The following CD247 variants were observed in gnomAD, a reference collection of about 807,000 sequenced individuals.
CD247 encodes T-cell surface glycoprotein CD3 zeta chain.
CD247 carries 13 observed loss-of-function variants against 30.0 expected under a neutral mutation model. That is an observed-to-expected ratio of 0.43 (90% confidence interval 0.28 to 0.69). CD247 has a LOEUF of 0.69. CD247 is among the 30% of genes least tolerant of loss of function. The pLI is 0.16. For missense variants in CD247, 193 were observed against 212.6 expected (o/e 0.91, Z 0.57); for synonymous variants, 72 against 80.0 (o/e 0.90, Z 0.53).
At chr1:167,497,714 C>A (rs905764001) in intron 1 of CD247, among the ~76,000 whole-genome samples, 5 of 152,198 alleles carry the variant, frequency 3.3e-5, no homozygotes, top group Admixed American at 6.5e-5. Context: ...ACCGCAAACT[C>A]TCCAAGGAAC....
chr1:167,472,745 T>C (rs1368348125), intron 1 of CD247, among the ~76,000 whole-genome samples: 1 of 152,192 alleles, frequency 6.6e-6, no homozygotes, highest in Non-Finnish European at 1.5e-5. Context: ...GCTCTAAATA[T>C]GCAGATATTC....
chr1:167,515,314 A>T (rs1441044919), intron 1 of CD247, among the ~76,000 whole-genome samples: 1 of 152,180 alleles, frequency 6.6e-6, no homozygotes, highest in Non-Finnish European at 1.5e-5. Flanking sequence ...TGGCTTCAGA[A>T]TCTAGGTGGC....
At chr1:167,496,207 AGAAG>A (rs143667272) in intron 1 of CD247, among the ~76,000 whole-genome samples, 3,676 of 152,336 alleles carry the variant, frequency 0.024, 51 homozygotes, top group Middle Eastern at 0.054. Flanking sequence ...GAAATAAAGC[AGAAG>A]GAAGGAAGGT....
chr1:167,449,164 T>TTTTC, intron 1 of CD247, among the ~76,000 whole-genome samples: 1 of 142,754 alleles, frequency 7.0e-6, no homozygotes, highest in African/African-American at 2.6e-5. Flanking sequence ...TTTTTTTTTT[T>TTTTC]TTTTTTGAGA....
intron 1 of CD247, among the ~76,000 whole-genome samples, chr1:167,455,656 C>T (rs1007041659): frequency 1.1e-4 from 17 of 152,220 alleles, no homozygotes; most frequent in Non-Finnish European, 1.6e-4. Flanking sequence ...CTGAGCTGCT[C>T]ACACGCTGCC....
chr1:167,452,598 T>A (rs1652407230), intron 1 of CD247, among the ~76,000 whole-genome samples: 1 of 151,648 alleles, frequency 6.6e-6, no homozygotes, highest in South Asian at 2.1e-4. Flanking sequence ...GCAGTGAGGG[T>A]GGAGGTGACA....
chr1:167,438,749 C>T, intron 3 of CD247, 99 bp from the exon 4 acceptor site: 3 of 807,616 alleles, frequency 3.7e-6, no homozygotes, highest in South Asian at 2.6e-5. Context: ...TGGGGTGGCT[C>T]ATAAAAAGAG....
At chr1:167,510,560 C>T (rs1016447660) in intron 1 of CD247, among the ~76,000 whole-genome samples, 1 of 152,314 alleles carries the variant, frequency 6.6e-6, no homozygotes, top group Non-Finnish European at 1.5e-5. Flanking sequence ...ACCTCTACCC[C>T]CTCCCCCAGC....
At chr1:167,460,605 A>T (rs1028096076) in intron 1 of CD247, among the ~76,000 whole-genome samples, 27 of 152,100 alleles carry the variant, frequency 1.8e-4, no homozygotes, top group African/African-American at 5.3e-4. Context: ...TCTTTTTTTA[A>T]AAATTATACT....
chr1:167,431,834 A>G (rs1211183815), intron 7 of CD247, 88 bp from the exon 8 acceptor site: 24 of 1,129,868 alleles, frequency 2.1e-5, no homozygotes, highest in Non-Finnish European at 3.1e-5. Context: ...GTGTCTCTGC[A>G]GCACAGCCCT....
intron 1 of CD247, among the ~76,000 whole-genome samples, chr1:167,477,501 A>G (rs528258052): frequency 6.6e-6 from 1 of 152,214 alleles, no homozygotes; most frequent in Admixed American, 6.5e-5. Flanking sequence ...ACTCTGGCAC[A>G]CTGGCTGTGA....
intron 1 of CD247, among the ~76,000 whole-genome samples, chr1:167,490,410 G>A (rs1383121245): frequency 6.6e-6 from 1 of 151,416 alleles, no homozygotes; most frequent in Non-Finnish European, 1.5e-5. Flanking sequence ...GGATCACGAG[G>A]TCAGGAGTTT....
intron 1 of CD247, among the ~76,000 whole-genome samples, chr1:167,447,563 C>A (rs543684896): frequency 6.6e-6 from 1 of 152,172 alleles, no homozygotes; most frequent in South Asian, 2.1e-4. Flanking sequence ...CCCCGTCCAG[C>A]TTGTTTCCAC....
chr1:167,458,039 G>A (rs879943281), intron 1 of CD247, among the ~76,000 whole-genome samples: 44 of 152,256 alleles, frequency 2.9e-4, no homozygotes, highest in Admixed American at 1.5e-3. Context: ...ATTTTTATGG[G>A]AGCCTACACC....
intron 7 of CD247, 63 bp from the exon 8 acceptor site, chr1:167,431,809 C>G: frequency 7.1e-7 from 1 of 1,404,830 alleles, no homozygotes; most frequent in South Asian, 1.2e-5. Context: ...CAGGAGCCAA[C>G]CCAGAGGCCA....
chr1:167,482,232 GA>G (rs1250024361), intron 1 of CD247, among the ~76,000 whole-genome samples: 1 of 152,170 alleles, frequency 6.6e-6, no homozygotes, highest in African/African-American at 2.4e-5. Flanking sequence ...GGAATGAAGG[GA>G]TCAAGCTGGC....
chr1:167,469,226 G>GC (rs1015981580), intron 1 of CD247, among the ~76,000 whole-genome samples: 31 of 152,094 alleles, frequency 2.0e-4, no homozygotes, highest in South Asian at 1.2e-3. Flanking sequence ...CAAGTGATCT[G>GC]CCCCCCCTCA....
chr1:167,449,395 C>T (rs1367672219), intron 1 of CD247, among the ~76,000 whole-genome samples: 1 of 151,556 alleles, frequency 6.6e-6, no homozygotes, highest in Non-Finnish European at 1.5e-5. Flanking sequence ...CTCAGGTAAT[C>T]CACCCGCCTC....
At chr1:167,506,541 T>C (rs1254818391) in intron 1 of CD247, among the ~76,000 whole-genome samples, 11 of 152,050 alleles carry the variant, frequency 7.2e-5, no homozygotes, top group Admixed American at 7.2e-4. Flanking sequence ...CTTTTTTATT[T>C]TTTTTGTATT....
Sources: allele counts gnomAD v4.1 joint callset (sites outside exome capture counted in the v4.1 genomes callset), GRCh38; gene constraint gnomAD v4.1.1; transcripts MANE v1.5; gene names NCBI Gene and HGNC (gene_info 2026-07-23, HGNC 2026-07-21).